The following TTN variants were observed in gnomAD, a reference collection of about 807,000 sequenced individuals.
The protein encoded by TTN is titin, also known as connectin.
Under a neutral mutation model 3,223.0 loss-of-function variants are expected in TTN, and 1,525 were observed. The ratio of observed to expected loss-of-function variants is 0.47; its 90% CI spans 0.45 to 0.49. The LOEUF (loss-of-function observed/expected upper bound fraction) is 0.49. TTN is among the 20% of genes least tolerant of loss of function. The pLI, the probability that TTN is intolerant of heterozygous loss-of-function variation, is 0.00. For missense variants in TTN, 40,786 were observed against 43,424.0 expected, an observed-to-expected ratio of 0.94 and a Z score of 5.40; for synonymous variants, 14,094 against 15,161.0, an observed-to-expected ratio of 0.93 and a Z score of 5.17.
rs1022741837 is a variant in TTN at position 178,636,498 on chromosome 2, C to T, written c.41229G>A (p.Leu13743=). The T allele has an allele frequency of 2.5e-6, 4 of 1,613,320 alleles. No individual in the cohort carries two copies. Among genetic ancestry groups the T allele is most frequent in the African/African-American group, 1.3e-5 (1 of 74,880 alleles). ...RFIADGKDRK[L]HIIDVQLSDA... ...CGGAAAGTTGAACATCAATGATGTG[C>T]AGCTTTCTGTCTTTACCATCTGCAA... Residue 13743 remains leucine, a synonymous_variant, in exon 225 of 363, where the codon CTG becomes CTA. Coordinates refer to ENST00000589042, the MANE Select transcript of TTN (RefSeq NM_001267550.2). The surrounding 1 kb of genome is among the most constrained non-coding windows in gnomAD (Gnocchi z 4.3).
rs777427458 is a variant in TTN at position 178,768,108 on chromosome 2, C to G, written c.9211G>C (p.Glu3071Gln). ...CATTCAAACATGGCTCGCTTCTTCT[C>G]CAGTACCTTAATGTCCTTAATGTGT... Reference protein sequence around the residue: ...RKHIKDIKVLEKKRAMFECEV... With the variant: ...RKHIKDIKVLQKKRAMFECEV... The change falls in exon 39 of 363, where the codon GAG becomes CAG. Residue 3071 changes from glutamate (E) to glutamine (Q), a missense_variant. Coordinates refer to ENST00000589042, the MANE Select transcript of TTN (RefSeq NM_001267550.2). The G allele has an allele frequency of 6.2e-6, 10 of 1,614,062 alleles. No homozygotes were observed. In the South Asian group the frequency reaches 9.9e-5, roughly 16 times the overall value.
chr2:178,558,807 C>G, intron 326 of TTN, 170 bp from the exon 327 acceptor site: 1 of 676,126 alleles, frequency 1.5e-6, no homozygotes, highest in Middle Eastern at 4.1e-4. Context: ...CCAAGGCTCC[C>G]ACAAGCTATG....
At chr2:178,750,726 T>G in intron 47 of TTN, 1 of 1,612,890 alleles carries the variant, frequency 6.2e-7, no homozygotes, top group Non-Finnish European at 8.5e-7. Context: ...ATTTCTTCAC[T>G]TTCTTCAACA....
rs781755787 is a variant in TTN, at chr2:178,568,562, A to T, written c.77570T>A (p.Ile25857Asn). 2 of 1,613,426 alleles carry T rather than the reference A, an allele frequency of 1.2e-6. No individual in the cohort carries two copies. The highest frequency in any genetic ancestry group is 4.5e-5 in the East Asian group (2 of 44,822). The change falls in exon 326 of 363, where the codon ATT becomes AAT. Residue 25857 changes from isoleucine to asparagine, a missense_variant. By Grantham distance (149) the Ile-to-Asn change is moderately radical. Transcript: ENST00000589042. ...ACCATCATCCTTATGAGTTTCTTTA[A>T]TACTGAGTGTGGTGAGATCCAGTGA... ...TDSLDLTTLSIKETHKDDGGQ... is the reference protein window; with the variant it reads ...TDSLDLTTLSNKETHKDDGGQ...
Position 178,609,690 on chromosome 2 carries a change from G to T in TTN, c.51733C>A (p.Pro17245Thr). 1.3e-6 allele frequency: 2 copies of T among 1,586,778 alleles called. No homozygotes were observed. Among genetic ancestry groups the T allele is most frequent in the Admixed American group, 1.7e-5 (1 of 57,422 alleles). The change falls in exon 272 of 363, where the codon CCC becomes ACC. Residue 17245 changes from proline (P) to threonine (T), a missense_variant. Coordinates refer to ENST00000589042, the MANE Select transcript of TTN (RefSeq NM_001267550.2). ...TCCATGAAACAAAACTTACCAATGGGATCTACAGCTTTGGTTGGAGGAGTA... is the reference window on the plus strand; with the variant it reads ...TCCATGAAACAAAACTTACCAATGGTATCTACAGCTTTGGTTGGAGGAGTA... ...RATPPTKAVD[P>T]IDAPKVILRT...
At position 178,651,668 on chromosome 2, in the gene TTN, T is replaced by C; in HGVS notation, c.39461A>G (p.Lys13154Arg). 1.2e-6 allele frequency: 2 copies of C among 1,613,284 alleles called. No individual in the cohort carries two copies. The highest frequency in any genetic ancestry group is 2.2e-5 in the East Asian group (1 of 44,804). Residue 13154 changes from lysine to arginine, a missense_variant and splice_region_variant, in exon 206 of 363, where the codon AAA becomes AGA. By Grantham distance (26) the Lys-to-Arg change is conservative (BLOSUM62 2). Transcript: ENST00000589042. ...VAKKPELPPV[K>R]VPEVPKEVVP... ...GAGTTAGTGGCAGTGAGGAATACCTTTCACTGGTGGTAGTTCAGGTTTTTT... is the reference window on the plus strand; with the variant it reads ...GAGTTAGTGGCAGTGAGGAATACCTCTCACTGGTGGTAGTTCAGGTTTTTT...
At position 178,692,440 on chromosome 2, in the gene TTN, T is replaced by C. The variant is rs746007665; in HGVS notation, c.31678+57A>G. The C allele has an allele frequency of 4.8e-6, 7 of 1,451,304 alleles. No homozygotes were observed. In the East Asian group the frequency reaches 9.9e-5, roughly 21 times the overall value. 89.9% of individuals were successfully genotyped at this position (1,451,304 alleles called of 1,614,324 possible). A position where few individuals can be genotyped will look rare whatever the true frequency, so the allele number is the denominator to read the frequency against. ...CTATTTTGTTAATACACAGATCTTA[T>C]AGAAAAAGATACAAGATGGATGCTA... On this transcript the variant is annotated intron_variant, in intron 120 of 362. Transcript: ENST00000589042.
Position 178,537,511 on chromosome 2 carries a change from A to T in TTN, c.99696T>A (p.His33232Gln), listed in dbSNP as rs745799786. ...CTGAGTTTTGCAAAAGTTTCTGACC[A>T]TGGAACCAAGTCATGGCAGGTACTG... ...GRPVPAMTWF[H>Q]GQKLLQNSEN... The change falls in exon 355 of 363, where the codon CAT becomes CAA. Residue 33232 changes from histidine to glutamine, a missense_variant. By Grantham distance (24) the His-to-Gln change is conservative. Transcript: ENST00000589042. The T allele has an allele frequency of 1.9e-6, 3 of 1,613,782 alleles. No homozygotes were observed. The highest frequency in any genetic ancestry group is 2.5e-6 in the Non-Finnish European group (3 of 1,179,754).
rs1700815083 is a variant in TTN, at chr2:178,554,977, G to A, written c.88482C>T (p.Asp29494=). ...CATCTTTGATGAGTATAGATGCGAG[G>A]TCCGTGGTATTTTCAACACACACCA... ...NALVCVENTT[D]LASILIKDAD... is the part of the protein sequence containing the mutation. The change falls in exon 331 of 363, where the codon GAC becomes GAT. Residue 29494 remains aspartate (D), a synonymous_variant. Coordinates refer to ENST00000589042, the MANE Select transcript of TTN (RefSeq NM_001267550.2). 2.5e-6 allele frequency: 4 copies of A among 1,613,526 alleles called. No individual in the cohort carries two copies. The African/African-American group carries it at 5.3e-5, about 22-fold the overall frequency.
chr2:178,684,502 A>C, intron 131 of TTN, 89 bp from the exon 132 acceptor site: 1 of 1,435,742 alleles, frequency 7.0e-7, no homozygotes, highest in Non-Finnish European at 9.6e-7. Flanking sequence ...TTAGAATAGA[A>C]GAATTTACAA....
chr2:178,673,818 T>G (rs1224108845), intron 151 of TTN, 108 bp from the exon 152 acceptor site: 1 of 781,278 alleles, frequency 1.3e-6, no homozygotes, highest in African/African-American at 1.8e-5. Flanking sequence ...TTTTAAAAGA[T>G]ATTAGCAACC....
chr2:178,621,541 C>T lies in TTN; in HGVS notation c.45283G>A (p.Glu15095Lys), dbSNP rs2154212024. 6.2e-7 allele frequency: 1 copy of T among 1,612,484 alleles called. No individual in the cohort carries two copies. Among genetic ancestry groups the T allele is most frequent in the South Asian group, 1.1e-5 (1 of 91,056 alleles). ...CGACAGTTGTAGTTGCCAGCATCCT[C>T]AAGGTGAGCGTTCTGAATGACCAGG... ...RILVIQNAHL[E>K]DAGNYNCRLP... Residue 15095 changes from glutamate (E) to lysine (K), a missense_variant, in exon 245 of 363, where the codon GAG (glutamate) becomes AAG (lysine). Glu to Lys is a moderately conservative substitution (Grantham distance 56, BLOSUM62 1). Transcript: ENST00000589042.
In TTN at chr2:178,581,476, G is replaced by A. The variant is rs750795065; in HGVS notation, c.66769+23C>T. ...ATATGATTAATAGGAAAAGCCTTATGTACTCCCCCTGGTAATACTTACTTA... is the reference window on the plus strand; with the variant it reads ...ATATGATTAATAGGAAAAGCCTTATATACTCCCCCTGGTAATACTTACTTA... On this transcript the variant is annotated intron_variant, in intron 316 of 362. Coordinates refer to ENST00000589042, the MANE Select transcript of TTN (RefSeq NM_001267550.2). The A allele has an allele frequency of 3.9e-6, 6 of 1,556,298 alleles. No homozygotes were observed. The South Asian group carries it at 6.1e-5, about 16-fold the overall frequency.
chr2:178,723,770 G>A, intron 73 of TTN, 74 bp from the exon 74 acceptor site: 1 of 1,532,722 alleles, frequency 6.5e-7, no homozygotes, highest in Non-Finnish European at 8.7e-7. Context: ...TAAAACATTA[G>A]AGCACTTTCA....
chr2:178,604,635 G>A, intron 281 of TTN, 73 bp downstream of exon 281: 1 of 1,433,128 alleles, frequency 7.0e-7, no homozygotes, highest in East Asian at 2.3e-5. Flanking sequence ...AAATTCCAAG[G>A]TTATATTAAA....
intron 257 of TTN, 147 bp downstream of exon 257, chr2:178,616,332 C>T (rs1161702766): frequency 1.3e-5 from 13 of 1,003,316 alleles, no homozygotes; most frequent in South Asian, 1.6e-5. Context: ...GCATTAGCAC[C>T]GATGCATTCT....
At chr2:178,624,413 G>T in intron 242 of TTN, 52 bp downstream of exon 242, 6 of 1,603,888 alleles carry the variant, frequency 3.7e-6, no homozygotes, top group Non-Finnish European at 4.3e-6. Context: ...TTTTGTTGTT[G>T]TAGTTATTAA....
At chr2:178,681,300 C>G (rs1270682415) in intron 137 of TTN, 76 bp downstream of exon 137, 1 of 1,478,372 alleles carries the variant, frequency 6.8e-7, no homozygotes, top group African/African-American at 1.4e-5. Flanking sequence ...CACAGACCAT[C>G]AGACGGGCTA....
chr2:178,558,325 A>C lies in TTN; in HGVS notation c.87118+16T>G. 1 of 1,596,606 alleles carries C rather than the reference A, an allele frequency of 6.3e-7. No individual in the cohort carries two copies. Among genetic ancestry groups the C allele is most frequent in the South Asian group, 1.2e-5 (1 of 86,672 alleles). On this transcript the variant is annotated intron_variant, in intron 327 of 362. Transcript: ENST00000589042. ...AAATAATTTCAAATTTTGCTTCTAC[A>C]CAAAATTAGACATACCTAGTTGCTC...
Sources: gnomAD v4.1 joint callset for allele counts on GRCh38, gnomAD v4.1.1 for gene constraint, Gnocchi (gnomAD v3.1) non-coding constraint, MANE v1.5 for transcripts, NCBI Gene and HGNC (gene_info 2026-07-23, HGNC 2026-07-21) for gene names.